CCR7: variants seen among roughly 807,000 people sequenced by gnomAD.
CCR7 encodes C-C motif chemokine receptor 7.
CCR7 carries 11 observed loss-of-function variants against 26.0 expected under a neutral mutation model. The observed-to-expected ratio is 0.42, with a 90% CI of 0.27 to 0.70. The LOEUF (loss-of-function observed/expected upper bound fraction) is 0.70. Among genes scored for constraint, CCR7 ranks in the 30% least tolerant of loss-of-function variants. CCR7 has a pLI of 0.23. For synonymous variants in CCR7, 189 were observed against 202.1 expected (o/e 0.94, Z 0.55); for missense variants, 360 against 504.0 (o/e 0.71, Z 2.74).
rs916242686 is a variant in CCR7 at position 40,555,665 on chromosome 17, C to T, written c.214G>A (p.Gly72Ser). Residue 72 changes from glycine to serine, a missense_variant, in exon 3 of 3, where the codon GGC becomes AGC. Physicochemically the swap from Gly to Ser is moderately conservative, Grantham distance 56 (BLOSUM62 0). Coordinates refer to ENST00000246657, the MANE Select transcript of CCR7 (RefSeq NM_001838.4). The surrounding 1 kb of genome is among the most constrained non-coding windows in gnomAD (Gnocchi z 5.6). The part of the protein sequence containing the change: ...PIMYSIICFV[G>S]LLGNGLVVLT... ...ACGACCAGCCCATTGCCCAGTAGGCCCACGAAACAAATGATGGAGTACATG... is the reference window on the plus strand; with the variant it reads ...ACGACCAGCCCATTGCCCAGTAGGCTCACGAAACAAATGATGGAGTACATG... 2 of 1,613,934 alleles carry T rather than the reference C, an allele frequency of 1.2e-6. No homozygotes were observed. Among genetic ancestry groups the T allele is most frequent in the South Asian group, 1.1e-5 (1 of 91,068 alleles).
In CCR7 at chr17:40,553,790, T is replaced by G. The variant is rs2143899153; in HGVS notation, c.*952A>C. The G allele has an allele frequency of 6.6e-6, 1 of 152,332 alleles. No individual in the cohort carries two copies. The highest frequency in any genetic ancestry group is 1.9e-4 in the East Asian group (1 of 5,192). The allele number at this position is 152,332 out of a possible 1,614,324, so 9.4% of individuals were successfully genotyped here. On this transcript the variant is annotated 3_prime_UTR_variant, in exon 3 of 3. Coordinates refer to ENST00000246657, the MANE Select transcript of CCR7 (RefSeq NM_001838.4). ...CTCATTTGCCATTTACCAAAGACTT[T>G]TTTTTTCTTTTTCTTTTAAAGCTGT...
At chr17:40,565,348 G>T in intron 1 of CCR7, 52 bp downstream of exon 1, 1 of 1,514,572 alleles carries the variant, frequency 6.6e-7, no homozygotes, top group Non-Finnish European at 9.2e-7. Flanking sequence ...GGGTCAGTCT[G>T]GGTGTCCAAG....
At position 40,554,656 on chromosome 17, in the gene CCR7, G is replaced by A; in HGVS notation, c.*86C>T. On this transcript the variant is annotated 3_prime_UTR_variant, in exon 3 of 3. Coordinates refer to ENST00000246657, the MANE Select transcript of CCR7 (RefSeq NM_001838.4). ...TTTTCCCTGAGCAGCTTTTGGCGGG[G>A]GGATGTCCTGAGTCATTGCATCTGC... 9.6e-7 allele frequency: 1 copy of A among 1,042,290 alleles called. No individual in the cohort carries two copies. Among genetic ancestry groups the A allele is most frequent in the South Asian group, 1.5e-5 (1 of 65,116 alleles). 64.6% of individuals were successfully genotyped at this position (1,042,290 alleles called of 1,614,324 possible).
Position 40,554,712 on chromosome 17 carries a change from A to G in CCR7, c.*30T>C. ...ATCCCCACCCCAGGGACCCTGGGAGAGGTCCCTCTAGTCCAGGCAGAAGAG... is the reference window on the plus strand; with the variant it reads ...ATCCCCACCCCAGGGACCCTGGGAGGGGTCCCTCTAGTCCAGGCAGAAGAG... On this transcript the variant is annotated 3_prime_UTR_variant, in exon 3 of 3. Transcript: ENST00000246657. 4 of 1,502,230 alleles carry G rather than the reference A, an allele frequency of 2.7e-6. No individual in the cohort carries two copies. The highest frequency in any genetic ancestry group is 3.6e-6 in the Non-Finnish European group (4 of 1,103,584). The allele number at this position is 1,502,230 out of a possible 1,614,324, so 93.1% of individuals were successfully genotyped here.
At position 40,555,578 on chromosome 17, in the gene CCR7, C is replaced by T; in HGVS notation, c.301G>A (p.Ala101Thr). The stretch of plus-strand genomic sequence containing the variant: ...AGGAGGAAGAGGATGTCTGCCACCG[C>T]CAGGTTGAGCAGGTAGGTATCGGTC... ...TMTDTYLLNL[A>T]VADILFLLTL... The change falls in exon 3 of 3, where the codon GCG becomes ACG. Residue 101 changes from alanine to threonine, a missense_variant. Coordinates refer to ENST00000246657, the MANE Select transcript of CCR7 (RefSeq NM_001838.4). This position sits in a 1 kb window ranked among gnomAD's most constrained non-coding sequence, Gnocchi z 5.6. 6.2e-7 allele frequency: 1 copy of T among 1,614,060 alleles called. No individual in the cohort carries two copies.
intron 1 of CCR7, among the ~76,000 whole-genome samples, chr17:40,561,784 T>G (rs2036658257): frequency 1.3e-5 from 2 of 152,152 alleles, no homozygotes; most frequent in South Asian, 4.2e-4. Flanking sequence ...CAACACAACT[T>G]TTCTCTCTCT....
chr17:40,563,604 G>A (rs1408584805), intron 1 of CCR7, among the ~76,000 whole-genome samples: 1 of 151,958 alleles, frequency 6.6e-6, no homozygotes, highest in Non-Finnish European at 1.5e-5. Flanking sequence ...ATCCTCCAAG[G>A]CCCACCCACC....
intron 2 of CCR7, among the ~76,000 whole-genome samples, chr17:40,556,995 G>C (rs1217511472): frequency 6.6e-6 from 1 of 152,174 alleles, no homozygotes; most frequent in Middle Eastern, 3.2e-3. Context: ...TGGATGATGG[G>C]CCATGGGGGT....
At chr17:40,565,197 G>A (rs2036696539) in intron 1 of CCR7, among the ~76,000 whole-genome samples, 1 of 152,032 alleles carries the variant, frequency 6.6e-6, no homozygotes, top group Non-Finnish European at 1.5e-5. Context: ...CCTTCTCCAG[G>A]TCTGAAAGGG....
chr17:40,555,424 A>G lies in CCR7; in HGVS notation c.455T>C (p.Ile152Thr), dbSNP rs759228506. ...CTGGACGATGGCCACGTAGCGGTCA[A>G]TGCTGATGCAAAGAAGTAGGAGCAT... Reference protein sequence around the residue: ...SGMLLLLCISIDRYVAIVQAV... With the variant: ...SGMLLLLCISTDRYVAIVQAV... Residue 152 changes from isoleucine to threonine, a missense_variant, in exon 3 of 3, where the codon ATT (isoleucine) becomes ACT (threonine). Ile to Thr is a moderately conservative substitution (Grantham distance 89). Transcript: ENST00000246657. This position sits in a 1 kb window ranked among gnomAD's most constrained non-coding sequence, Gnocchi z 5.6. 27 of 1,613,886 alleles carry G rather than the reference A, an allele frequency of 1.7e-5. No individual in the cohort carries two copies. The Middle Eastern group carries it at 6.6e-4, about 39-fold the overall frequency.
chr17:40,554,562 T>A lies in CCR7; in HGVS notation c.*180A>T. 3.1e-6 allele frequency: 2 copies of A among 642,314 alleles called. No homozygotes were observed. The highest frequency in any genetic ancestry group is 5.1e-5 in the East Asian group (2 of 39,210). The allele number at this position is 642,314 out of a possible 1,614,324, so 39.8% of individuals were successfully genotyped here. ...CAGCCCTGTCTTTTTTTGGCATTGGTTGAGGTAGCTGGGATTGGGGTGAAG... is the reference window on the plus strand; with the variant it reads ...CAGCCCTGTCTTTTTTTGGCATTGGATGAGGTAGCTGGGATTGGGGTGAAG... On this transcript the variant is annotated 3_prime_UTR_variant, in exon 3 of 3. Coordinates refer to ENST00000246657, the MANE Select transcript of CCR7 (RefSeq NM_001838.4).
At chr17:40,557,094 C>G (rs111378068) in intron 2 of CCR7, among the ~76,000 whole-genome samples, 1 of 152,242 alleles carries the variant, frequency 6.6e-6, no homozygotes, top group Non-Finnish European at 1.5e-5. Context: ...CCCTCTCCCC[C>G]CACCTCTCTG....
At chr17:40,561,922 A>G (rs1222658460) in intron 1 of CCR7, among the ~76,000 whole-genome samples, 2 of 152,232 alleles carry the variant, frequency 1.3e-5, no homozygotes, top group African/African-American at 4.8e-5. Flanking sequence ...TGCATTTTCT[A>G]TGTTATCAAC....
intron 1 of CCR7, among the ~76,000 whole-genome samples, chr17:40,563,796 T>C (rs773357055): frequency 1.2e-4 from 19 of 152,128 alleles, no homozygotes; most frequent in Non-Finnish European, 2.5e-4. Flanking sequence ...CTAGCACCCC[T>C]AAACCTAGTC....
At chr17:40,562,069 A>G (rs1408778206) in intron 1 of CCR7, among the ~76,000 whole-genome samples, 1 of 152,166 alleles carries the variant, frequency 6.6e-6, no homozygotes, top group Non-Finnish European at 1.5e-5. Flanking sequence ...CCAATGAGAA[A>G]CTGAAACACA....
intron 2 of CCR7, among the ~76,000 whole-genome samples, chr17:40,558,175 G>C (rs1457765199): frequency 1.3e-5 from 2 of 152,220 alleles, no homozygotes; most frequent in Non-Finnish European, 2.9e-5. Flanking sequence ...CCTACTCTGA[G>C]CTCCCACCTC....
At chr17:40,562,454 C>T (rs2036665321) in intron 1 of CCR7, among the ~76,000 whole-genome samples, 1 of 152,180 alleles carries the variant, frequency 6.6e-6, no homozygotes, top group African/African-American at 2.4e-5. Flanking sequence ...GCCACCAGTG[C>T]TTCCTGCTTC....
chr17:40,565,357 A>G, intron 1 of CCR7, 43 bp downstream of exon 1: 3 of 1,581,154 alleles, frequency 1.9e-6, no homozygotes, highest in Non-Finnish European at 2.6e-6. Context: ...TGGGTGTCCA[A>G]GACCCTGGTA....
intron 1 of CCR7, among the ~76,000 whole-genome samples, chr17:40,563,584 A>G (rs1346611470): frequency 6.6e-6 from 1 of 152,092 alleles, no homozygotes; most frequent in Non-Finnish European, 1.5e-5. Flanking sequence ...GATGAAGAGC[A>G]GAACAACAGA....
Sources: gnomAD v4.1 joint callset for allele counts (sites outside exome capture counted in the v4.1 genomes callset) on GRCh38, gnomAD v4.1.1 for gene constraint, Gnocchi (gnomAD v3.1) non-coding constraint, MANE v1.5 for transcripts, NCBI Gene and HGNC (gene_info 2026-07-23, HGNC 2026-07-21) for gene names.